Variants in LRP1B observed in about 807,000 individuals in gnomAD.
The protein encoded by LRP1B is low-density lipoprotein receptor-related protein 1B.
In LRP1B, 217 loss-of-function variants were observed where a neutral mutation model predicts 556.6. The ratio of observed to expected loss-of-function variants is 0.39; its 90% CI spans 0.35 to 0.44. The LOEUF is 0.44. Among genes scored for constraint, LRP1B ranks in the 20% least tolerant of loss-of-function variants. The probability of loss-of-function intolerance (pLI) is 1.00; values close to 1 mark genes in which losing one functional copy is unlikely to be tolerated. For synonymous variants in LRP1B, 2,047 were observed against 1,865.8 expected, an observed-to-expected ratio of 1.10 and a Z score of -2.50; for missense variants, 5,053 against 5,620.8, an observed-to-expected ratio of 0.90 and a Z score of 3.23.
At chr2:141,465,543 CTT>C (rs71391652) in intron 3 of LRP1B, among the ~76,000 whole-genome samples, 4 of 117,308 alleles carry the variant, frequency 3.4e-5, no homozygotes, top group Non-Finnish European at 3.8e-5. Flanking sequence ...CACAGCATGA[CTT>C]TTTTTTTTTT....
chr2:140,811,986 T>C (rs17516434), intron 32 of LRP1B, among the ~76,000 whole-genome samples: 68,008 of 151,832 alleles, frequency 0.45, 16,827 homozygotes, highest in East Asian at 0.66. Flanking sequence ...CACATTTAAA[T>C]TTCTCATCTG....
At chr2:141,711,292 A>G (rs1411942643) in intron 2 of LRP1B, among the ~76,000 whole-genome samples, 3 of 152,222 alleles carry the variant, frequency 2.0e-5, no homozygotes, top group African/African-American at 7.2e-5. Flanking sequence ...CATTCTCTCC[A>G]GGGAATATTG....
chr2:141,922,962 A>G (rs1483846091), intron 1 of LRP1B, among the ~76,000 whole-genome samples: 3 of 151,952 alleles, frequency 2.0e-5, no homozygotes, highest in Non-Finnish European at 4.4e-5. Flanking sequence ...ATCTGGGCGT[A>G]GTGGTGCATG....
chr2:140,785,038 GA>G (rs939819333), intron 32 of LRP1B, among the ~76,000 whole-genome samples: 36 of 151,474 alleles, frequency 2.4e-4, no homozygotes, highest in South Asian at 2.1e-4. Flanking sequence ...AATAAAGAGA[GA>G]AAAAAAAGAT....
chr2:140,324,429 A>T (rs1453381299), intron 80 of LRP1B, among the ~76,000 whole-genome samples: 1 of 152,110 alleles, frequency 6.6e-6, no homozygotes, highest in East Asian at 1.9e-4. Flanking sequence ...TACACAACTC[A>T]GTTTGTGTTC....
intron 7 of LRP1B, among the ~76,000 whole-genome samples, chr2:141,176,753 C>T (rs1001787199): frequency 1.3e-5 from 2 of 152,016 alleles, no homozygotes; most frequent in South Asian, 2.1e-4. Flanking sequence ...AAATGACTCA[C>T]TCTAAGTAAA....
chr2:141,962,021 GA>G (rs1701416424), intron 1 of LRP1B, among the ~76,000 whole-genome samples: 1 of 151,704 alleles, frequency 6.6e-6, no homozygotes, highest in Admixed American at 6.6e-5. Flanking sequence ...TTATTTTGAA[GA>G]TGCTTAGTAA....
intron 3 of LRP1B, among the ~76,000 whole-genome samples, chr2:141,347,158 A>C (rs1688281051): frequency 6.6e-6 from 1 of 152,102 alleles, no homozygotes; most frequent in African/African-American, 2.4e-5. Flanking sequence ...GGGTTTTTTA[A>C]CTTCACATGG....
intron 37 of LRP1B, among the ~76,000 whole-genome samples, chr2:140,714,134 A>T (rs1388862178): frequency 6.6e-6 from 1 of 152,144 alleles, no homozygotes; most frequent in East Asian, 1.9e-4. Context: ...CTCATTGTGA[A>T]TAGAGGCAAC....
At chr2:140,757,254 G>C (rs1466041126) in intron 35 of LRP1B, among the ~76,000 whole-genome samples, 1 of 152,116 alleles carries the variant, frequency 6.6e-6, no homozygotes, top group Non-Finnish European at 1.5e-5. Context: ...TTCTTCCAAA[G>C]TTTGAACATA....
chr2:140,618,557 AT>A, intron 41 of LRP1B, among the ~76,000 whole-genome samples: 1 of 152,186 alleles, frequency 6.6e-6, no homozygotes, highest in Admixed American at 6.5e-5. Flanking sequence ...GAGAAAGAAA[AT>A]AATATCTCTT....
rs1375534459 is a variant in LRP1B, at chr2:140,331,970, T to C, written c.12223+2483A>G. Among the ~76,000 whole-genome samples the C allele has an allele frequency of 2.0e-5, 3 of 151,992 alleles. No homozygotes were observed. In the East Asian group the frequency reaches 5.8e-4, roughly 30 times the overall value. Reference sequence around the variant, plus strand: ...CCTTGGCCTCCCAAATTGCTGGGATTACAGACATGAGCCACCACACCCAGC... The same window carrying C: ...CCTTGGCCTCCCAAATTGCTGGGATCACAGACATGAGCCACCACACCCAGC... On this transcript the variant is annotated intron_variant, in intron 79 of 90. Coordinates refer to ENST00000389484, the MANE Select transcript of LRP1B (RefSeq NM_018557.3).
At chr2:141,765,890 G>A (rs1035055203) in intron 2 of LRP1B, among the ~76,000 whole-genome samples, 1 of 152,094 alleles carries the variant, frequency 6.6e-6, no homozygotes, top group Admixed American at 6.6e-5. Context: ...CAAAAACTCT[G>A]GGGTTAGGGT....
At chr2:141,924,530 C>T (rs541518148) in intron 1 of LRP1B, among the ~76,000 whole-genome samples, 1 of 152,290 alleles carries the variant, frequency 6.6e-6, no homozygotes, top group East Asian at 1.9e-4. Context: ...AGCTGGTTAA[C>T]ACTTAAGCCA....
intron 1 of LRP1B, among the ~76,000 whole-genome samples, chr2:141,956,556 A>G (rs1701259665): frequency 6.6e-6 from 1 of 152,062 alleles, no homozygotes; most frequent in African/African-American, 2.4e-5. Flanking sequence ...ATAAAATGCT[A>G]CCTTTTGATG....
chr2:140,872,889 T>C (rs1233326731), intron 25 of LRP1B, among the ~76,000 whole-genome samples: 1 of 151,926 alleles, frequency 6.6e-6, no homozygotes, highest in Admixed American at 6.6e-5. Flanking sequence ...AAGATATATT[T>C]CTATCAGCAA....
At chr2:141,010,874 T>G (rs889520428) in intron 14 of LRP1B, among the ~76,000 whole-genome samples, 1 of 151,908 alleles carries the variant, frequency 6.6e-6, no homozygotes, top group Non-Finnish European at 1.5e-5. Context: ...TGACTAATTT[T>G]CTGACACTGA....
chr2:141,171,895 A>T (rs976468825), intron 7 of LRP1B, among the ~76,000 whole-genome samples: 6 of 152,232 alleles, frequency 3.9e-5, no homozygotes, highest in Middle Eastern at 3.4e-3. Flanking sequence ...ACAGTCAGTA[A>T]CATTGCTCTT....
chr2:142,001,622 C>A (rs1424934010), intron 1 of LRP1B, among the ~76,000 whole-genome samples: 1 of 152,126 alleles, frequency 6.6e-6, no homozygotes, highest in Non-Finnish European at 1.5e-5. Flanking sequence ...TGAAATACAG[C>A]AAAGTTCATT....
Sources: gnomAD v4.1 joint callset for allele counts (sites outside exome capture counted in the v4.1 genomes callset) on GRCh38, gnomAD v4.1.1 for gene constraint, MANE v1.5 for transcripts, NCBI Gene and HGNC (gene_info 2026-07-23, HGNC 2026-07-21) for gene names.